The following NANOS3 variants were observed in gnomAD, a reference collection of about 807,000 sequenced individuals.
NANOS3 encodes the protein nanos C2HC-type zinc finger 3, also known as nanos homolog 3.
A neutral mutation model predicts 13.8 loss-of-function variants in NANOS3; 11 were observed. That is an observed-to-expected ratio of 0.80 (90% confidence interval 0.50 to 1.32). The LOEUF (loss-of-function observed/expected upper bound fraction) is 1.32. Among genes scored for constraint, NANOS3 ranks in the 40% most tolerant of loss-of-function variants. The pLI is 0.00. For synonymous variants in NANOS3, 119 were observed against 115.4 expected, an observed-to-expected ratio of 1.03 and a Z score of -0.20; for missense variants, 221 against 263.8, an observed-to-expected ratio of 0.84 and a Z score of 1.12.
At chr19:13,874,556 G>GT (rs2145075580), upstream of NANOS3, 1 of 368,968 alleles carries the variant, frequency 2.7e-6, no homozygotes, top group East Asian at 7.5e-5. Flanking sequence ...TTTGCCTTGT[G>GT]TTTTTCCCAG....
chr19:13,877,783 TG>T lies in NANOS3; in HGVS notation c.517+25del. ...AGGAGCAGGTGCCTGCACAGGTGGC[TG>T]GGGGGGACCTGTCCGAGGGTAGTGG... On this transcript the variant is annotated intron_variant, in intron 1 of 1. Coordinates refer to ENST00000339133, the MANE Select transcript of NANOS3 (RefSeq NM_001098622.3). 1.2e-5 allele frequency: 19 copies of T among 1,538,686 alleles called. No homozygotes were observed. Among genetic ancestry groups the T allele is most frequent in the Middle Eastern group, 3.4e-4 (2 of 5,962 alleles).
intron 1 of NANOS3, among the ~76,000 whole-genome samples, chr19:13,866,476 C>T (rs2145064053): frequency 6.6e-6 from 1 of 152,326 alleles, no homozygotes; most frequent in East Asian, 1.9e-4. Context: ...CACAGACATA[C>T]AGCACCCCGA....
chr19:13,871,731 G>T (rs986295060), intron 1 of NANOS3, among the ~76,000 whole-genome samples: 3 of 152,228 alleles, frequency 2.0e-5, no homozygotes, highest in African/African-American at 7.2e-5. Context: ...ATTCCTGTGG[G>T]ACGAGGTGGC....
At chr19:13,872,249 G>C (rs572720593), upstream of NANOS3, among the ~76,000 whole-genome samples, 2 of 151,592 alleles carry the variant, frequency 1.3e-5, no homozygotes, top group African/African-American at 4.8e-5. Flanking sequence ...GGAGGCTGAG[G>C]CAGGAGAACT....
At chr19:13,878,783 T>G (rs1173636975) in intron 1 of NANOS3, among the ~76,000 whole-genome samples, 1 of 149,766 alleles carries the variant, frequency 6.7e-6, no homozygotes. Flanking sequence ...CCTGGTGTGT[T>G]TTTTTTTTCC....
At chr19:13,872,116 C>T (rs1213295443) in intron 1 of NANOS3, among the ~76,000 whole-genome samples, 4 of 151,968 alleles carry the variant, frequency 2.6e-5, no homozygotes, top group Admixed American at 2.6e-4. Flanking sequence ...GCCTGTAATC[C>T]CAGCACTTTG....
chr19:13,875,741 G>A (rs10403025), upstream of NANOS3, among the ~76,000 whole-genome samples: 5,188 of 151,996 alleles, frequency 0.034, 316 homozygotes, highest in African/African-American at 0.12. Context: ...GTAGGAACAG[G>A]GTCTCAAAAC....
At chr19:13,877,817 C>CCCCTGTGAAG (rs1266041199) in intron 1 of NANOS3, 52 bp downstream of exon 1, 1 of 1,505,396 alleles carries the variant, frequency 6.6e-7, no homozygotes, top group African/African-American at 1.4e-5. Flanking sequence ...TGGCTGAGCC[C>CCCCTGTGAAG]CCCTGTGAAG....
intron 1 of NANOS3, among the ~76,000 whole-genome samples, chr19:13,869,044 A>G (rs1268432112): frequency 6.6e-6 from 1 of 152,040 alleles, no homozygotes. Context: ...CTTGGACCTG[A>G]AGCCCCTATT....
intron 1 of NANOS3, among the ~76,000 whole-genome samples, chr19:13,870,143 T>C (rs2145068550): frequency 6.6e-6 from 1 of 151,934 alleles, no homozygotes; most frequent in South Asian, 2.1e-4. Flanking sequence ...CAGCCTCGAC[T>C]TCCCTGGCTT....
upstream of NANOS3, among the ~76,000 whole-genome samples, chr19:13,872,360 AAG>A (rs1294694168): frequency 4.5e-4 from 63 of 141,148 alleles, no homozygotes; most frequent in African/African-American, 1.2e-3. Context: ...AAAAAAAAAA[AAG>A]AGAGAGAGAG....
upstream of NANOS3, among the ~76,000 whole-genome samples, chr19:13,863,543 G>A (rs754961502): frequency 1.3e-5 from 2 of 152,056 alleles, no homozygotes; most frequent in Non-Finnish European, 2.9e-5. Flanking sequence ...CTGTAAGAAG[G>A]GCTGGCCGGC....
At chr19:13,870,531 G>T (rs574647463) in intron 1 of NANOS3, among the ~76,000 whole-genome samples, 11 of 151,366 alleles carry the variant, frequency 7.3e-5, no homozygotes, top group African/African-American at 2.4e-4. Flanking sequence ...TGTGTGGGGG[G>T]GTGGGGGCAA....
At chr19:13,877,128 A>T (rs1049539332), upstream of NANOS3, 1 of 854,184 alleles carries the variant, frequency 1.2e-6, no homozygotes, top group Non-Finnish European at 1.8e-6. Flanking sequence ...GCCAGCACAG[A>T]CTCCCAGGCT....
At chr19:13,875,033 C>G (rs754341345), upstream of NANOS3, 2 of 446,374 alleles carry the variant, frequency 4.5e-6, no homozygotes, top group Non-Finnish European at 9.3e-6. Context: ...CCCCCCACCG[C>G]CACAGTCACT....
rs780249137 is a variant in NANOS3, at chr19:13,877,493, A to G, written c.245A>G (p.His82Arg). ...GAACGCCTGTGCTCTTTCTGCAAACACAACGGCGAGTCCCGGGCCATCTAC... is the reference window on the plus strand; with the variant it reads ...GAACGCCTGTGCTCTTTCTGCAAACGCAACGGCGAGTCCCGGGCCATCTAC... ...APERLCSFCK[H>R]NGESRAIYQS... Residue 82 changes from histidine to arginine, a missense_variant, in exon 1 of 2, where the codon CAC (histidine) becomes CGC (arginine). His to Arg is a conservative substitution (Grantham distance 29, BLOSUM62 0). Around this residue, in one of 3 missense-constraint regions of NANOS3, gnomAD observed 112 missense variants for 116.3 expected, o/e 0.96. Coordinates refer to ENST00000339133, the MANE Select transcript of NANOS3 (RefSeq NM_001098622.3). 2.5e-6 allele frequency: 4 copies of G among 1,611,600 alleles called. No individual in the cohort carries two copies. The highest frequency in any genetic ancestry group is 3.3e-5 in the Admixed American group (2 of 60,020).
chr19:13,867,089 T>C (rs1976253284), intron 1 of NANOS3, among the ~76,000 whole-genome samples: 1 of 151,916 alleles, frequency 6.6e-6, no homozygotes, highest in African/African-American at 2.4e-5. Context: ...TACAGGCGCG[T>C]GCCACCACAC....
At chr19:13,876,876 C>A (rs1968523449), upstream of NANOS3, among the ~76,000 whole-genome samples, 1 of 152,130 alleles carries the variant, frequency 6.6e-6, no homozygotes, top group Non-Finnish European at 1.5e-5. Context: ...CTAAGGACTC[C>A]TACAAGGAGG....
chr19:13,880,357 GCC>G, intron 1 of NANOS3, 83 bp from the exon 2 acceptor site: 1 of 1,305,654 alleles, frequency 7.7e-7, no homozygotes, highest in African/African-American at 1.5e-5. Context: ...GGTCCAGCAG[GCC>G]CGGAGGCCGA....
Sources: gnomAD v4.1 joint callset for allele counts (sites outside exome capture counted in the v4.1 genomes callset) on GRCh38, gnomAD v4.1.1 for gene constraint, gnomAD v4.1.1 regional missense constraint, MANE v1.5 for transcripts, NCBI Gene and HGNC (gene_info 2026-07-23, HGNC 2026-07-21) for gene names.